LINGO2: variants seen among roughly 807,000 people sequenced by gnomAD.
The protein encoded by LINGO2 is leucine-rich repeat and immunoglobulin-like domain-containing nogo receptor-interacting protein 2.
In LINGO2, 14 loss-of-function variants were observed where a neutral mutation model predicts 30.6. The ratio of observed to expected loss-of-function variants is 0.46; its 90% confidence interval spans 0.30 to 0.72. The LOEUF (loss-of-function observed/expected upper bound fraction) is 0.72, where lower values mean the gene tolerates loss of function less well. Ranked by LOEUF, LINGO2 falls within the 30% of genes least tolerant of loss-of-function variation. LINGO2 has a pLI of 0.07. For missense variants in LINGO2, 729 were observed against 751.7 expected, an observed-to-expected ratio of 0.97 and a Z score of 0.35; for synonymous variants, 317 against 288.5, an observed-to-expected ratio of 1.10 and a Z score of -1.00.
At chr9:29,211,059 C>T in the LINGO2 span, among the ~76,000 whole-genome samples, 1 of 152,174 alleles carries the variant, frequency 6.6e-6, no homozygotes, top group Admixed American at 6.5e-5. Context: ...ATTCAGTATT[C>T]CTGGAATATT....
chr9:27,992,772 G>T (rs1273824080), intron 5 of LINGO2, among the ~76,000 whole-genome samples: 1 of 150,356 alleles, frequency 6.7e-6, no homozygotes, highest in Non-Finnish European at 1.5e-5. Context: ...TGTAATAAAT[G>T]AAAGTTTGGT....
the LINGO2 span, among the ~76,000 whole-genome samples, chr9:28,739,764 G>T: frequency 6.6e-6 from 1 of 151,474 alleles, no homozygotes; most frequent in Non-Finnish European, 1.5e-5. Flanking sequence ...CTTTATGACA[G>T]TACAATACTA....
At chr9:28,611,003 A>G (rs540405925) in intron 1 of LINGO2, among the ~76,000 whole-genome samples, 2 of 152,236 alleles carry the variant, frequency 1.3e-5, no homozygotes, top group South Asian at 2.1e-4. Context: ...ATATTTGGGG[A>G]AAAATGTGCC....
chr9:28,989,872 C>T, the LINGO2 span, among the ~76,000 whole-genome samples: 8 of 152,218 alleles, frequency 5.3e-5, no homozygotes, highest in Admixed American at 2.0e-4. Flanking sequence ...GAGATGACCA[C>T]GACGACCTTA....
chr9:28,487,163 C>T (rs941753653), intron 1 of LINGO2, among the ~76,000 whole-genome samples: 4 of 152,090 alleles, frequency 2.6e-5, no homozygotes, highest in African/African-American at 9.7e-5. Context: ...TGGTCCCCAT[C>T]GGGTAGGAAA....
rs190627369 is a variant in LINGO2 at position 28,659,148 on chromosome 9, G to A, written c.-365+11052C>T. Among the ~76,000 whole-genome samples, 285 of 152,108 alleles carry A rather than the reference G, an allele frequency of 1.9e-3. 2 individuals carry two copies. The highest frequency in any genetic ancestry group is 2.6e-3 in the Non-Finnish European group (179 of 67,966). On this transcript the variant is annotated intron_variant, in intron 1 of 5. Coordinates refer to ENST00000379992, the Ensembl canonical transcript of LINGO2. ...TATTAGAATCCACAGTGGAAATATA[G>A]CACTGACACTAACTTTTAGCTTCTC... is the stretch of plus-strand genomic sequence containing the variant.
intron 4 of LINGO2, among the ~76,000 whole-genome samples, chr9:28,204,904 A>T (rs1451587497): frequency 6.6e-6 from 1 of 152,192 alleles, no homozygotes; most frequent in Admixed American, 6.5e-5. Flanking sequence ...TTTGGAGGGC[A>T]TATGGCAGCA....
chr9:29,213,353 G>C, the LINGO2 span, among the ~76,000 whole-genome samples: 2 of 152,140 alleles, frequency 1.3e-5, no homozygotes, highest in African/African-American at 2.4e-5. Flanking sequence ...AGGTGGGGAT[G>C]AGGCGGAAAG....
chr9:28,837,236 T>C, the LINGO2 span, among the ~76,000 whole-genome samples: 702 of 152,206 alleles, frequency 4.6e-3, 14 homozygotes, highest in East Asian at 0.072. Context: ...TCTTCCAAGA[T>C]CAGGAACAAA....
intron 3 of LINGO2, among the ~76,000 whole-genome samples, chr9:28,319,957 G>A (rs1824980273): frequency 6.6e-6 from 1 of 152,040 alleles, no homozygotes; most frequent in Admixed American, 6.6e-5. Context: ...GAATTTTAGG[G>A]CTTAAAGTAC....
chr9:28,355,725 A>G (rs1241514350), intron 3 of LINGO2, among the ~76,000 whole-genome samples: 2 of 152,142 alleles, frequency 1.3e-5, no homozygotes, highest in Non-Finnish European at 2.9e-5. Flanking sequence ...CCCTAGGCTA[A>G]GAGAGATTGC....
At chr9:28,894,168 T>C in the LINGO2 span, among the ~76,000 whole-genome samples, 1 of 152,156 alleles carries the variant, frequency 6.6e-6, no homozygotes, top group Non-Finnish European at 1.5e-5. Context: ...ACATTTGGGT[T>C]GGTTCCAAGT....
the LINGO2 span, among the ~76,000 whole-genome samples, chr9:28,798,943 T>G: frequency 6.6e-6 from 1 of 152,010 alleles, no homozygotes; most frequent in Non-Finnish European, 1.5e-5. Flanking sequence ...ATCAAAAGAT[T>G]GTTAAGTTTG....
the LINGO2 span, among the ~76,000 whole-genome samples, chr9:29,086,324 T>C: frequency 3.3e-5 from 5 of 152,130 alleles, no homozygotes; most frequent in Non-Finnish European, 1.5e-5. Context: ...AATAGAGCCC[T>C]AAATTTTTGG....
At chr9:28,310,678 T>G (rs1824578944) in intron 3 of LINGO2, among the ~76,000 whole-genome samples, 1 of 152,178 alleles carries the variant, frequency 6.6e-6, no homozygotes, top group Non-Finnish European at 1.5e-5. Flanking sequence ...TATTCATGTG[T>G]CAAAACATAA....
the LINGO2 span, among the ~76,000 whole-genome samples, chr9:28,819,006 T>C: frequency 9.4e-3 from 1,424 of 152,298 alleles, 11 homozygotes; most frequent in Non-Finnish European, 0.012. Flanking sequence ...CATAGTTTTG[T>C]TGTTTTTTTT....
At chr9:28,473,480 C>G (rs1168499964) in intron 2 of LINGO2, among the ~76,000 whole-genome samples, 1 of 151,862 alleles carries the variant, frequency 6.6e-6, no homozygotes, top group Non-Finnish European at 1.5e-5. Context: ...TGTCTCTATT[C>G]CCACTACTGT....
the LINGO2 span, among the ~76,000 whole-genome samples, chr9:29,205,646 A>C: frequency 2.6e-5 from 4 of 152,164 alleles, no homozygotes; most frequent in Non-Finnish European, 5.9e-5. Context: ...AAATATTAGG[A>C]AGATTTTATT....
the LINGO2 span, among the ~76,000 whole-genome samples, chr9:28,734,074 CTATA>C: frequency 5.3e-5 from 8 of 151,866 alleles, no homozygotes; most frequent in Admixed American, 3.9e-4. Flanking sequence ...TTCTCTCTCT[CTATA>C]TATATATACC....
Sources: gnomAD v4.1 joint callset for allele counts (sites outside exome capture counted in the v4.1 genomes callset) on GRCh38, gnomAD v4.1.1 for gene constraint, MANE v1.5 for transcripts, NCBI Gene and HGNC (gene_info 2026-07-23, HGNC 2026-07-21) for gene names.